The following EPHB1 variants were observed in gnomAD, a reference collection of about 807,000 sequenced individuals.
The protein encoded by EPHB1 is ephrin type-B receptor 1.
EPHB1 carries 30 observed loss-of-function variants against 94.4 expected under a neutral mutation model. That is an observed-to-expected ratio of 0.32 (90% confidence interval 0.24 to 0.43). The LOEUF (loss-of-function observed/expected upper bound fraction) is 0.43. Among genes scored for constraint, EPHB1 ranks in the 20% least tolerant of loss-of-function variants. The probability of loss-of-function intolerance (pLI) is 1.00; values close to 1 mark genes in which losing one functional copy is unlikely to be tolerated. For missense variants in EPHB1, 1,055 were observed against 1,308.3 expected (o/e 0.81, Z 2.99); for synonymous variants, 522 against 489.1 (o/e 1.07, Z -0.89).
At chr3:135,204,935 C>A (rs368796960) in intron 12 of EPHB1, among the ~76,000 whole-genome samples, 5 of 141,290 alleles carry the variant, frequency 3.5e-5, no homozygotes, top group African/African-American at 5.3e-5. Context: ...CCTACCACCA[C>A]CCCCTACCAC....
At chr3:135,015,107 C>G (rs926622316) in intron 3 of EPHB1, among the ~76,000 whole-genome samples, 2 of 152,174 alleles carry the variant, frequency 1.3e-5, no homozygotes, top group South Asian at 2.1e-4. Flanking sequence ...CCTGACTCCC[C>G]CTGTGCGTGG....
intron 3 of EPHB1, among the ~76,000 whole-genome samples, chr3:134,964,379 G>A (rs1014215252): frequency 6.6e-6 from 1 of 152,148 alleles, no homozygotes; most frequent in African/African-American, 2.4e-5. Context: ...CAGAATGGTC[G>A]CAAGCCCATA....
At chr3:135,074,594 G>A (rs913049591) in intron 3 of EPHB1, among the ~76,000 whole-genome samples, 1 of 152,040 alleles carries the variant, frequency 6.6e-6, no homozygotes, top group African/African-American at 2.4e-5. Context: ...ATATGTTATC[G>A]AAACCTGCTG....
chr3:135,068,809 T>C (rs1386835942), intron 3 of EPHB1, among the ~76,000 whole-genome samples: 1 of 151,322 alleles, frequency 6.6e-6, no homozygotes, highest in African/African-American at 2.4e-5. Context: ...CCACCACACC[T>C]GACTAATTTT....
intron 12 of EPHB1, among the ~76,000 whole-genome samples, chr3:135,209,906 T>C (rs1942994155): frequency 6.6e-6 from 1 of 152,124 alleles, no homozygotes; most frequent in African/African-American, 2.4e-5. Context: ...AGCAAATGAA[T>C]CCCAGAAGTT....
chr3:134,956,127 G>C (rs1228256190), intron 3 of EPHB1, among the ~76,000 whole-genome samples: 1 of 152,102 alleles, frequency 6.6e-6, no homozygotes, highest in Non-Finnish European at 1.5e-5. Context: ...AACCTGGCAG[G>C]GGCAGGCTCC....
At chr3:135,174,673 AG>A (rs1255507556) in intron 9 of EPHB1, among the ~76,000 whole-genome samples, 1 of 152,156 alleles carries the variant, frequency 6.6e-6, no homozygotes, top group Non-Finnish European at 1.5e-5. Flanking sequence ...GTTGAGGAAA[AG>A]GGTTGATCAA....
intron 6 of EPHB1, among the ~76,000 whole-genome samples, chr3:135,160,568 A>T (rs982404930): frequency 2.6e-5 from 4 of 152,124 alleles, no homozygotes; most frequent in African/African-American, 9.7e-5. Context: ...CTTCATTTTC[A>T]CTAAAGTCCC....
intron 1 of EPHB1, among the ~76,000 whole-genome samples, chr3:134,862,157 G>A (rs1270810599): frequency 6.6e-6 from 1 of 152,196 alleles, no homozygotes; most frequent in Non-Finnish European, 1.5e-5. Flanking sequence ...AGAGGCCCAT[G>A]GGCAAAGCCT....
In EPHB1 at chr3:135,162,045, G is replaced by T. The variant is rs777709674; in HGVS notation, c.1450G>T (p.Ala484Ser). The change falls in exon 7 of 16, where the codon GCC becomes TCC. Residue 484 changes from alanine (A) to serine (S), a missense_variant. Ala to Ser is a moderately conservative substitution (Grantham distance 99). Transcript: ENST00000398015. ...KEHNEFNSSM[A>S]RSQTNTARID... ...ACACAATGAGTTCAACTCCTCCATGGCCAGGAGTCAGACCAACACAGCAAG... is the reference window on the plus strand; with the variant it reads ...ACACAATGAGTTCAACTCCTCCATGTCCAGGAGTCAGACCAACACAGCAAG... The T allele has an allele frequency of 2.9e-5, 46 of 1,612,390 alleles. No homozygotes were observed. The highest frequency in any genetic ancestry group is 3.9e-5 in the Non-Finnish European group (46 of 1,179,134).
intron 3 of EPHB1, among the ~76,000 whole-genome samples, chr3:135,056,291 C>A (rs2107774300): frequency 6.6e-6 from 1 of 152,346 alleles, no homozygotes; most frequent in South Asian, 2.1e-4. Flanking sequence ...CCTCCGTGGC[C>A]TCCTCTGCCT....
At chr3:135,218,852 G>T (rs916963628) in intron 12 of EPHB1, among the ~76,000 whole-genome samples, 1 of 152,198 alleles carries the variant, frequency 6.6e-6, no homozygotes, top group Non-Finnish European at 1.5e-5. Flanking sequence ...TATATCAAGC[G>T]TGTATCACAA....
chr3:135,070,183 T>C (rs1292780137), intron 3 of EPHB1, among the ~76,000 whole-genome samples: 1 of 152,210 alleles, frequency 6.6e-6, no homozygotes, highest in Non-Finnish European at 1.5e-5. Flanking sequence ...TTATCCAACC[T>C]GATACACAGA....
chr3:135,052,817 T>C, intron 3 of EPHB1, among the ~76,000 whole-genome samples: 1 of 112,938 alleles, frequency 8.9e-6, no homozygotes, highest in Admixed American at 1.3e-4. Flanking sequence ...GCCAAGATCA[T>C]GCCACTGCAC....
intron 9 of EPHB1, among the ~76,000 whole-genome samples, chr3:135,174,613 G>A (rs969229379): frequency 1.3e-5 from 2 of 152,260 alleles, no homozygotes; most frequent in Admixed American, 6.5e-5. Context: ...TTGTTTTGCC[G>A]ATAGTTTCCA....
chr3:135,245,498 T>A, intron 13 of EPHB1, among the ~76,000 whole-genome samples: 1 of 90,772 alleles, frequency 1.1e-5, no homozygotes, highest in Admixed American at 1.4e-4. Flanking sequence ...CAAAAACAAA[T>A]ACCAGAACAG....
At chr3:134,818,464 T>G (rs901947068) in intron 1 of EPHB1, among the ~76,000 whole-genome samples, 1 of 152,218 alleles carries the variant, frequency 6.6e-6, no homozygotes, top group African/African-American at 2.4e-5. Flanking sequence ...GAGATTTTGG[T>G]GCACCCATCA....
chr3:134,982,734 G>A (rs1263906151), intron 3 of EPHB1, among the ~76,000 whole-genome samples: 2 of 152,098 alleles, frequency 1.3e-5, no homozygotes, highest in African/African-American at 4.8e-5. Flanking sequence ...AGGAAGAAAG[G>A]GCTACAAAGA....
chr3:135,246,387 C>A (rs1379220152), intron 13 of EPHB1, among the ~76,000 whole-genome samples: 2 of 152,140 alleles, frequency 1.3e-5, no homozygotes, highest in Non-Finnish European at 2.9e-5. Flanking sequence ...GGGAATGATG[C>A]ACAGCTGCTC....
Sources: gnomAD v4.1 joint callset for allele counts (sites outside exome capture counted in the v4.1 genomes callset) on GRCh38, gnomAD v4.1.1 for gene constraint, MANE v1.5 for transcripts, NCBI Gene and HGNC (gene_info 2026-07-23, HGNC 2026-07-21) for gene names.